MREG: variants seen among roughly 807,000 people sequenced by gnomAD.
MREG encodes the protein melanoregulin, also known as dilute suppressor protein homolog.
MREG carries 31 observed loss-of-function variants against 28.5 expected under a neutral mutation model. The observed-to-expected ratio is 1.09, with a 90% confidence interval of 0.82 to 1.47. The LOEUF (loss-of-function observed/expected upper bound fraction) is 1.47. MREG is among the 40% of genes most tolerant of loss of function. The pLI is 0.00. For synonymous variants in MREG, 106 were observed against 95.2 expected (o/e 1.11, Z -0.66); for missense variants, 256 against 257.4 (o/e 0.99, Z 0.04).
rs551860088 is a variant in MREG, at chr2:215,968,286, A to G, written c.256-21173T>C. 1.4e-4 allele frequency among the ~76,000 whole-genome samples: 22 copies of G among 152,256 alleles called. 1 individual carries two copies. The South Asian group carries it at 4.4e-3, about 30-fold the overall frequency. ...GCTCTAGGGAACAAGCATCTGTTTTACTTTTCACCACTCATTACCACAGCA... is the reference window on the plus strand; with the variant it reads ...GCTCTAGGGAACAAGCATCTGTTTTGCTTTTCACCACTCATTACCACAGCA... On this transcript the variant is annotated intron_variant, in intron 2 of 4. Transcript: ENST00000263268.
At chr2:215,996,142 A>G (rs1693867229) in intron 2 of MREG, among the ~76,000 whole-genome samples, 164 bp downstream of exon 2, 1 of 152,276 alleles carries the variant, frequency 6.6e-6, no homozygotes, top group Admixed American at 6.5e-5. Flanking sequence ...AAGACTAGCT[A>G]TAATTAGCAA....
chr2:215,947,627 A>G (rs749593645), intron 2 of MREG, among the ~76,000 whole-genome samples: 1 of 152,242 alleles, frequency 6.6e-6, no homozygotes, highest in African/African-American at 2.4e-5. Flanking sequence ...TCAAAAGTTC[A>G]TAAGAAACAG....
rs1382345085 is a variant in MREG, at chr2:215,945,578, A to G, written c.503T>C (p.Phe168Ser). 1.2e-6 allele frequency: 2 copies of G among 1,612,228 alleles called. No homozygotes were observed. The highest frequency in any genetic ancestry group is 1.7e-6 in the Non-Finnish European group (2 of 1,179,438). Reference protein sequence around the residue: ...TSWELSERYLFVVDRLIALDA... With the variant: ...TSWELSERYLSVVDRLIALDA... ...AAAAAAGCATCCACTTACCACAACA[A>G]AGAGATATCTCTCTGAGAGCTCCCA... Residue 168 changes from phenylalanine to serine, a missense_variant, in exon 4 of 5, where the codon TTT (phenylalanine) becomes TCT (serine). Phe to Ser is a radical substitution (Grantham distance 155). Transcript: ENST00000263268.
intron 2 of MREG, among the ~76,000 whole-genome samples, chr2:215,961,518 C>T (rs1003684194): frequency 4.6e-5 from 7 of 152,078 alleles, no homozygotes; most frequent in Admixed American, 6.5e-5. Context: ...CTCCGTCTCC[C>T]GGGTTCAAGC....
At chr2:215,950,808 G>T (rs1692461634) in intron 2 of MREG, among the ~76,000 whole-genome samples, 1 of 152,078 alleles carries the variant, frequency 6.6e-6, no homozygotes, top group Non-Finnish European at 1.5e-5. Flanking sequence ...ATATGGTTTG[G>T]CTCTGTGTCC....
At chr2:215,946,941 T>C (rs758108840) in intron 3 of MREG, 82 bp downstream of exon 3, 15 of 840,098 alleles carry the variant, frequency 1.8e-5, no homozygotes, top group Non-Finnish European at 2.8e-5. Flanking sequence ...ACATTCCTTT[T>C]ATAAAAACCA....
In MREG at chr2:215,996,438, T is replaced by C. The variant is rs1693876910; in HGVS notation, c.123A>G (p.Gly41=). Residue 41 remains glycine (G), a synonymous_variant, in exon 2 of 5, where the codon GGA becomes GGG. Transcript: ENST00000263268. ...TCTCATCATCCCTCACCAGAGTTGC[T>C]CCAAATGAGGAATATGGATTGTTAT... ...VSDNNPYSSF[G]ATLVRDDEKN... The C allele has an allele frequency of 6.2e-7, 1 of 1,613,190 alleles. No homozygotes were observed. The highest frequency in any genetic ancestry group is 1.7e-4 in the Middle Eastern group (1 of 6,058).
chr2:216,025,742 A>G (rs1416189327), intron 1 of MREG, among the ~76,000 whole-genome samples: 1 of 152,248 alleles, frequency 6.6e-6, no homozygotes, highest in Admixed American at 6.5e-5. Context: ...CAACACTTCC[A>G]GCAGCTCCTT....
In MREG at chr2:215,996,353, G is replaced by A. The variant is rs1311548693; in HGVS notation, c.208C>T (p.Leu70=). The change falls in exon 2 of 5, where the codon CTG becomes TTG. Residue 70 remains leucine, a synonymous_variant. Transcript: ENST00000263268. ...SHTEADDDRT[L]YNLIVIRNQQ... ...TTACGAATGACTATCAAATTGTACA[G>A]GGTTCTGTCGTCGTCTGCCTCTGTG... 1.1e-5 allele frequency: 18 copies of A among 1,613,880 alleles called. No individual in the cohort carries two copies. The highest frequency in any genetic ancestry group is 1.5e-5 in the Non-Finnish European group (18 of 1,179,898).
chr2:215,967,617 A>T (rs1692978056), intron 2 of MREG, among the ~76,000 whole-genome samples: 1 of 152,222 alleles, frequency 6.6e-6, no homozygotes, highest in Non-Finnish European at 1.5e-5. Flanking sequence ...TGAAAAATTA[A>T]ATCCACACAG....
intron 1 of MREG, among the ~76,000 whole-genome samples, chr2:216,010,422 A>G (rs1230209004): frequency 1.6e-5 from 2 of 123,574 alleles, no homozygotes; most frequent in African/African-American, 6.3e-5. Flanking sequence ...CAGTGGCGCG[A>G]TCTCCATTCA....
At chr2:215,969,657 G>A (rs2105988489) in intron 2 of MREG, among the ~76,000 whole-genome samples, 1 of 152,304 alleles carries the variant, frequency 6.6e-6, no homozygotes, top group Admixed American at 6.5e-5. Flanking sequence ...GTGCCAGAGG[G>A]AGACAGTATG....
At position 215,944,715 on chromosome 2, in the gene MREG, T is replaced by C. The variant is rs1305072743; in HGVS notation, c.*148A>G. The C allele has an allele frequency of 1.3e-6, 1 of 795,256 alleles. No homozygotes were observed. The highest frequency in any genetic ancestry group is 1.8e-6 in the Non-Finnish European group (1 of 545,028). 49.3% of individuals were successfully genotyped at this position (795,256 alleles called of 1,614,324 possible). On this transcript the variant is annotated 3_prime_UTR_variant, in exon 5 of 5. Coordinates refer to ENST00000263268, the MANE Select transcript of MREG (RefSeq NM_018000.3). The stretch of plus-strand genomic sequence containing the variant: ...CAATTCATGGGGCAGGGTCCTCAGA[T>C]TAAAGACTTTACATTTATGTAGAAT...
intron 2 of MREG, among the ~76,000 whole-genome samples, chr2:215,991,042 G>A (rs578248177): frequency 6.6e-6 from 1 of 152,312 alleles, no homozygotes; most frequent in South Asian, 2.1e-4. Context: ...GGAACAAGCA[G>A]ACCTAATAGA....
At chr2:215,970,537 TG>T (rs1693060159) in intron 2 of MREG, among the ~76,000 whole-genome samples, 1 of 152,216 alleles carries the variant, frequency 6.6e-6, no homozygotes, top group Non-Finnish European at 1.5e-5. Flanking sequence ...ATCAAAGGAC[TG>T]TGACTCAAGC....
intron 2 of MREG, among the ~76,000 whole-genome samples, chr2:215,979,958 A>G (rs1439344157): frequency 1.5e-5 from 2 of 136,250 alleles, no homozygotes; most frequent in African/African-American, 5.6e-5. Context: ...TTTATGCAAG[A>G]TGTGAAAAAA....
At chr2:215,939,677 GA>G (rs1424184021), downstream of MREG, 1 of 152,192 alleles carries the variant, frequency 6.6e-6, no homozygotes, top group Non-Finnish European at 1.5e-5. Context: ...AAACCAGACA[GA>G]AAAGTATTCC....
chr2:215,976,048 C>T (rs1006866746), intron 2 of MREG, among the ~76,000 whole-genome samples: 1 of 151,130 alleles, frequency 6.6e-6, no homozygotes, highest in African/African-American at 2.4e-5. Flanking sequence ...GCAGGGGTTG[C>T]AGTGAGCCAA....
At chr2:215,987,251 CTT>C (rs548305432) in intron 2 of MREG, among the ~76,000 whole-genome samples, 1 of 146,012 alleles carries the variant, frequency 6.8e-6, no homozygotes. Flanking sequence ...ACATAAGCAA[CTT>C]TTTTTTTTTT....
Sources: gnomAD v4.1 joint callset for allele counts (sites outside exome capture counted in the v4.1 genomes callset) on GRCh38, gnomAD v4.1.1 for gene constraint, MANE v1.5 for transcripts, NCBI Gene and HGNC (gene_info 2026-07-23, HGNC 2026-07-21) for gene names.